The following DPYD variants were observed in gnomAD, a reference collection of about 807,000 sequenced individuals.
The protein encoded by DPYD is dihydropyrimidine dehydrogenase.
Under a neutral mutation model 116.2 loss-of-function variants are expected in DPYD, and 109 were observed. The ratio of observed to expected loss-of-function variants is 0.94; its 90% CI spans 0.80 to 1.10. The LOEUF (loss-of-function observed/expected upper bound fraction) is 1.10. Ranked by LOEUF, DPYD falls within the 50% of genes least tolerant of loss-of-function variation. The pLI, the probability that DPYD is intolerant of heterozygous loss-of-function variation, is 0.00. For missense variants in DPYD, 1,302 were observed against 1,254.5 expected (o/e 1.04, Z -0.57); for synonymous variants, 440 against 432.0 (o/e 1.02, Z -0.23).
At chr1:97,137,662 CT>C (rs1557886093) in intron 20 of DPYD, among the ~76,000 whole-genome samples, 1 of 152,138 alleles carries the variant, frequency 6.6e-6, no homozygotes, top group Admixed American at 6.6e-5. Context: ...AGAGCACTGT[CT>C]TTTTTATCCT....
chr1:97,795,461 T>C (rs374376490), intron 3 of DPYD, among the ~76,000 whole-genome samples: 4 of 152,018 alleles, frequency 2.6e-5, no homozygotes, highest in East Asian at 1.9e-4. Context: ...TATATGCTGA[T>C]CTTGCTAACA....
intron 18 of DPYD, among the ~76,000 whole-genome samples, chr1:97,299,831 A>T (rs543381808): frequency 6.6e-6 from 1 of 152,112 alleles, no homozygotes; most frequent in Admixed American, 6.6e-5. Context: ...ATCTATTATT[A>T]GGGCCCTGGT....
At chr1:97,839,412 G>A (rs1669934218) in intron 2 of DPYD, among the ~76,000 whole-genome samples, 1 of 151,932 alleles carries the variant, frequency 6.6e-6, no homozygotes, top group African/African-American at 2.4e-5. Flanking sequence ...CACGTTTTAT[G>A]TTGCAGCTTT....
At chr1:97,819,345 G>A (rs938168965) in intron 3 of DPYD, among the ~76,000 whole-genome samples, 2 of 151,710 alleles carry the variant, frequency 1.3e-5, no homozygotes, top group African/African-American at 2.4e-5. Context: ...GAAAAGAGTT[G>A]AAACATTGCT....
chr1:97,437,608 G>C (rs942170355), intron 14 of DPYD, among the ~76,000 whole-genome samples: 4 of 151,738 alleles, frequency 2.6e-5, no homozygotes, highest in Non-Finnish European at 5.9e-5. Context: ...ATGGGTATAT[G>C]TTTAAATTTC....
chr1:97,257,239 A>G (rs1232182131), intron 18 of DPYD, among the ~76,000 whole-genome samples: 1 of 151,946 alleles, frequency 6.6e-6, no homozygotes, highest in Non-Finnish European at 1.5e-5. Context: ...TATACTATAT[A>G]CTCACCTATT....
intron 2 of DPYD, among the ~76,000 whole-genome samples, chr1:97,841,265 G>A (rs1670023125): frequency 6.6e-6 from 1 of 151,926 alleles, no homozygotes; most frequent in African/African-American, 2.4e-5. Flanking sequence ...TAAAATTAAT[G>A]GCATTATCAC....
At chr1:97,878,979 T>A (rs976671551) in intron 2 of DPYD, among the ~76,000 whole-genome samples, 1 of 152,004 alleles carries the variant, frequency 6.6e-6, no homozygotes, top group African/African-American at 2.4e-5. Context: ...TATTATTTAG[T>A]TATTTTCATT....
At chr1:97,227,941 C>G (rs899041832) in intron 19 of DPYD, among the ~76,000 whole-genome samples, 1 of 151,794 alleles carries the variant, frequency 6.6e-6, no homozygotes, top group Admixed American at 6.6e-5. Flanking sequence ...GATGCTGTAA[C>G]CTAGGTTTTT....
intron 8 of DPYD, among the ~76,000 whole-genome samples, chr1:97,649,150 G>T (rs1273088227): frequency 1.3e-5 from 2 of 151,986 alleles, no homozygotes; most frequent in South Asian, 4.1e-4. Flanking sequence ...TCCTATGTTT[G>T]CCTACATATT....
intron 2 of DPYD, among the ~76,000 whole-genome samples, chr1:97,860,834 C>G (rs1291223551): frequency 6.6e-6 from 1 of 151,490 alleles, no homozygotes; most frequent in East Asian, 1.9e-4. Context: ...ATATTTAATA[C>G]ACAAAGAAAA....
At chr1:97,916,735 T>C (rs1042765467) in intron 1 of DPYD, among the ~76,000 whole-genome samples, 3 of 152,148 alleles carry the variant, frequency 2.0e-5, no homozygotes, top group Admixed American at 2.0e-4. Context: ...ATGCAAAGGA[T>C]AGAATTTTTC....
chr1:97,364,619 A>G (rs541115994), intron 16 of DPYD, among the ~76,000 whole-genome samples: 2 of 152,300 alleles, frequency 1.3e-5, no homozygotes, highest in African/African-American at 4.8e-5. Context: ...AAAGTTAGGT[A>G]TAAAACAAAA....
At chr1:97,759,791 G>T (rs562946170) in intron 3 of DPYD, among the ~76,000 whole-genome samples, 3 of 152,066 alleles carry the variant, frequency 2.0e-5, no homozygotes, top group African/African-American at 7.2e-5. Flanking sequence ...ACATTTCCTA[G>T]ATACTTACAA....
At chr1:97,436,154 T>C (rs1301940097) in intron 14 of DPYD, among the ~76,000 whole-genome samples, 1 of 151,978 alleles carries the variant, frequency 6.6e-6, no homozygotes, top group Admixed American at 6.6e-5. Context: ...TCCCCAGCCC[T>C]TTAAGAGAAG....
intron 13 of DPYD, among the ~76,000 whole-genome samples, chr1:97,467,405 C>G (rs1677394257): frequency 6.6e-6 from 1 of 152,308 alleles, no homozygotes; most frequent in South Asian, 2.1e-4. Flanking sequence ...CTGTAAGCCC[C>G]CTGCTTCATG....
chr1:97,225,599 T>A (rs1391163811), intron 19 of DPYD, among the ~76,000 whole-genome samples: 26 of 150,302 alleles, frequency 1.7e-4, no homozygotes, highest in African/African-American at 6.1e-4. Flanking sequence ...TGAGAGCTCC[T>A]TATATATTTT....
At chr1:97,462,293 T>G (rs1677074192) in intron 13 of DPYD, among the ~76,000 whole-genome samples, 1 of 152,234 alleles carries the variant, frequency 6.6e-6, no homozygotes, top group Non-Finnish European at 1.5e-5. Context: ...CCCAGAATTC[T>G]GAGATAATAC....
chr1:97,398,273 A>C (rs1189239317), intron 14 of DPYD, among the ~76,000 whole-genome samples: 1 of 152,118 alleles, frequency 6.6e-6, no homozygotes, highest in Admixed American at 6.6e-5. Context: ...AAATGACAGG[A>C]ACTCATTATT....
Sources: allele counts gnomAD v4.1 joint callset (sites outside exome capture counted in the v4.1 genomes callset), GRCh38; gene constraint gnomAD v4.1.1; transcripts MANE v1.5; gene names NCBI Gene and HGNC (gene_info 2026-07-23, HGNC 2026-07-21).